The following ARID1B variants were observed in gnomAD, a reference collection of about 807,000 sequenced individuals.
ARID1B encodes the protein AT-rich interactive domain-containing protein 1B.
ARID1B carries 30 observed loss-of-function variants against 212.3 expected under a neutral mutation model. The ratio of observed to expected loss-of-function variants is 0.14; its 90% CI spans 0.11 to 0.19. ARID1B has a LOEUF of 0.19. Among genes scored for constraint, ARID1B ranks in the 10% least tolerant of loss-of-function variants. The pLI is 1.00. For missense variants in ARID1B, 2,891 were observed against 3,204.0 expected (o/e 0.90, Z 2.36); for synonymous variants, 1,402 against 1,301.7 (o/e 1.08, Z -1.66).
At chr6:157,018,070 T>C (rs1780013640) in intron 4 of ARID1B, among the ~76,000 whole-genome samples, 1 of 151,788 alleles carries the variant, frequency 6.6e-6, no homozygotes, top group South Asian at 2.1e-4. Flanking sequence ...AGGTTGAGGC[T>C]GCAGTGAGTC....
chr6:157,087,913 A>G (rs958959901), intron 5 of ARID1B, among the ~76,000 whole-genome samples: 2 of 152,176 alleles, frequency 1.3e-5, no homozygotes, highest in African/African-American at 4.8e-5. Flanking sequence ...CAGAATTTCT[A>G]CTGTTGTCTC....
At chr6:156,969,512 A>G (rs1380833142) in intron 4 of ARID1B, among the ~76,000 whole-genome samples, 1 of 152,228 alleles carries the variant, frequency 6.6e-6, no homozygotes, top group Non-Finnish European at 1.5e-5. Context: ...AACACATGGT[A>G]GACATGGCGA....
chr6:157,020,051 A>C (rs1473714905), intron 4 of ARID1B, among the ~76,000 whole-genome samples: 1 of 152,212 alleles, frequency 6.6e-6, no homozygotes, highest in Non-Finnish European at 1.5e-5. Context: ...AAATTGGCAC[A>C]ACTTGGAGGA....
At chr6:156,851,305 A>C (rs1784566175) in intron 2 of ARID1B, among the ~76,000 whole-genome samples, 1 of 152,196 alleles carries the variant, frequency 6.6e-6, no homozygotes, top group African/African-American at 2.4e-5. Context: ...TGAAGGGTTC[A>C]ACTTGTTCCG....
chr6:156,898,381 A>C (rs1582903038), intron 2 of ARID1B, among the ~76,000 whole-genome samples: 2 of 152,180 alleles, frequency 1.3e-5, no homozygotes. Context: ...CTTGGTCCTC[A>C]GCATATTAGA....
intron 7 of ARID1B, among the ~76,000 whole-genome samples, chr6:157,135,511 T>G (rs1228920774): frequency 6.6e-6 from 1 of 152,126 alleles, no homozygotes; most frequent in Non-Finnish European, 1.5e-5. Flanking sequence ...CATGCACCCT[T>G]TTCTCCTCTC....
intron 4 of ARID1B, among the ~76,000 whole-genome samples, chr6:157,039,856 CTT>C (rs1781726853): frequency 8.5e-6 from 1 of 117,704 alleles, no homozygotes; most frequent in African/African-American, 3.3e-5. Context: ...CTTTCTCTCT[CTT>C]TCTCTCTCTT....
chr6:156,809,714 A>T (rs72996910), intron 1 of ARID1B, among the ~76,000 whole-genome samples: 4 of 54,156 alleles, frequency 7.4e-5, no homozygotes, highest in Non-Finnish European at 1.4e-4. Flanking sequence ...TTTTTCAAAG[A>T]AAAAAAAAAA....
intron 4 of ARID1B, among the ~76,000 whole-genome samples, chr6:156,966,099 G>T (rs1328435918): frequency 6.6e-6 from 1 of 152,098 alleles, no homozygotes; most frequent in Non-Finnish European, 1.5e-5. Context: ...AGTGGGACTG[G>T]CCTTTATCTG....
chr6:156,781,570 T>G (rs990384943), intron 1 of ARID1B, among the ~76,000 whole-genome samples: 1 of 152,150 alleles, frequency 6.6e-6, no homozygotes, highest in Non-Finnish European at 1.5e-5. Context: ...AGGGCTGAAT[T>G]TAACAAATAA....
At chr6:157,151,562 A>C (rs1790198720) in intron 8 of ARID1B, 1 of 152,264 alleles carries the variant, frequency 6.6e-6, no homozygotes, top group Non-Finnish European at 1.5e-5. Context: ...CACAGGAATT[A>C]CATACAGCAA....
chr6:157,079,347 G>A (rs565151242), intron 4 of ARID1B, among the ~76,000 whole-genome samples: 1 of 152,276 alleles, frequency 6.6e-6, no homozygotes, highest in South Asian at 2.1e-4. Context: ...TACAACACAG[G>A]TTAATGCAAG....
At chr6:157,157,146 C>G (rs1011424295) in intron 8 of ARID1B, among the ~76,000 whole-genome samples, 1 of 152,180 alleles carries the variant, frequency 6.6e-6, no homozygotes, top group East Asian at 1.9e-4. Flanking sequence ...GGCCCTCTCA[C>G]AGCTGGTGGC....
chr6:156,779,905 G>A (rs905741493), intron 1 of ARID1B, among the ~76,000 whole-genome samples: 3 of 152,154 alleles, frequency 2.0e-5, no homozygotes, highest in Admixed American at 1.3e-4. Context: ...CCCACAATGT[G>A]CTTTAACGGG....
Position 156,935,568 on chromosome 6 carries a change from A to C in ARID1B, c.2239A>C (p.Ser747Arg). The change falls in exon 4 of 20, where the codon AGT becomes CGT. Residue 747 changes from serine (S) to arginine (R), a missense_variant. Physicochemically the swap from Ser to Arg is moderately radical, Grantham distance 110. Around this residue, in one of 7 missense-constraint regions of ARID1B, gnomAD observed 1,643 missense variants for 1,544.0 expected, o/e 1.06. Transcript: ENST00000636930. ...LNLIQQERPS[S>R]LPDLSGSIDD... Reference sequence around the variant, plus strand: ...CTTAATACAGCAAGAAAGACCATCAAGTTTACCAGTAAGACATTATTGTGC... The same window carrying C: ...CTTAATACAGCAAGAAAGACCATCACGTTTACCAGTAAGACATTATTGTGC... 2 of 1,606,370 alleles carry C rather than the reference A, an allele frequency of 1.2e-6. No homozygotes were observed. The highest frequency in any genetic ancestry group is 1.7e-5 in the Admixed American group (1 of 59,994).
At chr6:157,076,467 C>T (rs1409177513) in intron 4 of ARID1B, among the ~76,000 whole-genome samples, 1 of 151,618 alleles carries the variant, frequency 6.6e-6, no homozygotes, top group Non-Finnish European at 1.5e-5. Flanking sequence ...AATTTATTTA[C>T]AGTTCCTATA....
intron 5 of ARID1B, among the ~76,000 whole-genome samples, chr6:157,089,553 T>G (rs895854061): frequency 6.6e-6 from 1 of 152,194 alleles, no homozygotes; most frequent in South Asian, 2.1e-4. Flanking sequence ...ATTCCTGGGC[T>G]CCAGCTTTGC....
intron 4 of ARID1B, among the ~76,000 whole-genome samples, chr6:156,982,790 G>A (rs1777684510): frequency 6.6e-6 from 1 of 151,870 alleles, no homozygotes; most frequent in South Asian, 2.1e-4. Context: ...CCTCTCTCAA[G>A]CAGCATGTTA....
Position 157,208,998 on chromosome 6 carries a change from G to C in ARID1B, c.*1107G>C, listed in dbSNP as rs1401629970. ...GTGTGGAAATGGTTATATATGGATTGATTTAGAAAATGGTTACCAGTACAG... is the reference window on the plus strand; with the variant it reads ...GTGTGGAAATGGTTATATATGGATTCATTTAGAAAATGGTTACCAGTACAG... On this transcript the variant is annotated 3_prime_UTR_variant, in exon 20 of 20. Transcript: ENST00000636930. The C allele has an allele frequency of 8.7e-6, 2 of 229,294 alleles. No homozygotes were observed. The highest frequency in any genetic ancestry group is 2.2e-5 in the African/African-American group (1 of 44,922). The allele number at this position is 229,294 out of a possible 1,614,324, so 14.2% of individuals were successfully genotyped here.
Sources: gnomAD v4.1 joint callset for allele counts (sites outside exome capture counted in the v4.1 genomes callset) on GRCh38, gnomAD v4.1.1 for gene constraint, gnomAD v4.1.1 regional missense constraint, MANE v1.5 for transcripts, NCBI Gene and HGNC (gene_info 2026-07-23, HGNC 2026-07-21) for gene names.